The following PRKG1 variants were observed in gnomAD, a reference collection of about 807,000 sequenced individuals.
PRKG1 encodes the protein cGMP-dependent protein kinase 1.
In PRKG1, 35 loss-of-function variants were observed where a neutral mutation model predicts 88.1. The ratio of observed to expected loss-of-function variants is 0.40; its 90% CI spans 0.30 to 0.53. The LOEUF (loss-of-function observed/expected upper bound fraction) is 0.53, where lower values mean the gene tolerates loss of function less well. Ranked by LOEUF, PRKG1 falls within the 20% of genes least tolerant of loss-of-function variation. The pLI, the probability that PRKG1 is intolerant of heterozygous loss-of-function variation, is 0.59. For missense variants in PRKG1, 540 were observed against 839.8 expected (o/e 0.64, Z 4.41); for synonymous variants, 303 against 292.5 (o/e 1.04, Z -0.37).
Position 51,273,745 on chromosome 10 carries a change from G to C in PRKG1, c.478+120415G>C, listed in dbSNP as rs150840903. Among the ~76,000 whole-genome samples the C allele has an allele frequency of 7.2e-5, 11 of 152,240 alleles. No homozygotes were observed. The East Asian group carries it at 1.4e-3, about 19-fold the overall frequency. On this transcript the variant is annotated intron_variant, in intron 2 of 17. Coordinates refer to ENST00000373980, the MANE Select transcript of PRKG1 (RefSeq NM_006258.4). ...ATTTCTACATGACAATATCTGGCTG[G>C]GGAAGAGAAACTGGAACTTCCTCAT... is the stretch of plus-strand genomic sequence containing the variant.
chr10:51,848,268 T>C (rs12783319), intron 4 of PRKG1, among the ~76,000 whole-genome samples: 13,018 of 152,218 alleles, frequency 0.086, 696 homozygotes, highest in Middle Eastern at 0.16. Flanking sequence ...AAGATATATA[T>C]GAATTTGGGG....
At chr10:51,336,464 A>G (rs982063655) in intron 2 of PRKG1, among the ~76,000 whole-genome samples, 3 of 152,238 alleles carry the variant, frequency 2.0e-5, no homozygotes, top group Non-Finnish European at 4.4e-5. Context: ...TTGTAATAGG[A>G]CAGAGGAAAC....
At chr10:52,204,136 T>G (rs182447696) in intron 9 of PRKG1, among the ~76,000 whole-genome samples, 87 of 152,138 alleles carry the variant, frequency 5.7e-4, no homozygotes, top group Middle Eastern at 3.4e-3. Flanking sequence ...ACTCTTGCTC[T>G]GTTGCCCAGG....
At chr10:51,958,890 G>A (rs2133067335) in intron 5 of PRKG1, among the ~76,000 whole-genome samples, 1 of 152,172 alleles carries the variant, frequency 6.6e-6, no homozygotes, top group African/African-American at 2.4e-5. Context: ...TCTAGTCCAA[G>A]CCCAATATTT....
intron 3 of PRKG1, among the ~76,000 whole-genome samples, chr10:51,563,542 C>G (rs750653101): frequency 6.6e-6 from 1 of 151,724 alleles, no homozygotes; most frequent in Non-Finnish European, 1.5e-5. Context: ...CACATTTCAG[C>G]CTAAAGAAAC....
chr10:51,180,406 T>C (rs1462535852), intron 2 of PRKG1, among the ~76,000 whole-genome samples: 1 of 152,196 alleles, frequency 6.6e-6, no homozygotes, highest in Non-Finnish European at 1.5e-5. Context: ...TTCCCTCCCT[T>C]TTAACATACT....
At chr10:51,303,196 A>G (rs1247646054) in intron 2 of PRKG1, among the ~76,000 whole-genome samples, 2 of 152,178 alleles carry the variant, frequency 1.3e-5, no homozygotes, top group Non-Finnish European at 2.9e-5. Context: ...GTCCAACATT[A>G]AAATTTTAGG....
chr10:52,218,462 A>G (rs930117875), intron 9 of PRKG1, among the ~76,000 whole-genome samples: 23 of 152,130 alleles, frequency 1.5e-4, no homozygotes, highest in Non-Finnish European at 1.0e-4. Context: ...TCTGGTTAAA[A>G]AAGATATTTT....
intron 3 of PRKG1, among the ~76,000 whole-genome samples, chr10:51,546,164 A>C (rs1425244387): frequency 6.6e-6 from 1 of 152,018 alleles, no homozygotes; most frequent in Non-Finnish European, 1.5e-5. Context: ...ATGCTTATGC[A>C]ATTTCTGCAA....
Position 51,528,880 on chromosome 10 carries a change from A to G in PRKG1, c.592+61044A>G, listed in dbSNP as rs112875774. ...AATAGTTCCACATATCTTGTCCCCA[A>G]TGTAAATGGAAATAAGGGAATTCTC... is the stretch of plus-strand genomic sequence containing the variant. On this transcript the variant is annotated intron_variant, in intron 3 of 17. Coordinates refer to ENST00000373980, the MANE Select transcript of PRKG1 (RefSeq NM_006258.4). 1.3e-3 allele frequency among the ~76,000 whole-genome samples: 205 copies of G among 152,252 alleles called. 3 individuals carry two copies. In the Middle Eastern group the frequency reaches 0.044, roughly 33 times the overall value.
intron 7 of PRKG1, among the ~76,000 whole-genome samples, chr10:52,105,081 GA>G (rs1847382676): frequency 6.6e-6 from 1 of 152,038 alleles, no homozygotes; most frequent in Admixed American, 6.6e-5. Flanking sequence ...TCATTGAAAA[GA>G]AGCCTTTTCT....
chr10:51,734,028 G>A (rs1837192919), intron 3 of PRKG1, among the ~76,000 whole-genome samples: 2 of 151,852 alleles, frequency 1.3e-5, no homozygotes, highest in African/African-American at 4.8e-5. Context: ...TTCTATAACA[G>A]GTTCTTGTGA....
chr10:52,289,086 C>T (rs1163024932), intron 16 of PRKG1, 93 bp downstream of exon 16: 1 of 1,210,054 alleles, frequency 8.3e-7, no homozygotes, highest in Non-Finnish European at 1.2e-6. Flanking sequence ...GTATAATTAG[C>T]CTATAGGAAC....
At chr10:51,283,331 T>C (rs1250953412) in intron 2 of PRKG1, among the ~76,000 whole-genome samples, 1 of 152,068 alleles carries the variant, frequency 6.6e-6, no homozygotes, top group Non-Finnish European at 1.5e-5. Context: ...TTTTTCCCAA[T>C]AAGGAAAAAA....
intron 2 of PRKG1, among the ~76,000 whole-genome samples, chr10:51,292,917 T>C (rs1447964931): frequency 6.6e-6 from 1 of 152,116 alleles, no homozygotes; most frequent in Non-Finnish European, 1.5e-5. Context: ...TTATTCTTAT[T>C]TATTTCTCTA....
At chr10:51,128,217 T>A (rs56219907) in intron 1 of PRKG1, among the ~76,000 whole-genome samples, 120,327 of 151,522 alleles carry the variant, frequency 0.79, 48,381 homozygotes, top group South Asian at 0.88. Context: ...TTAAAAAAAA[T>A]CCGGATAGAC....
intron 3 of PRKG1, among the ~76,000 whole-genome samples, chr10:51,476,601 T>TTTG (rs66840703): frequency 5.7e-4 from 86 of 151,190 alleles, no homozygotes; most frequent in Non-Finnish European, 1.1e-3. Context: ...AAGTGGATTA[T>TTTG]TTGTTGTTGT....
At chr10:51,380,379 C>T (rs952129243) in intron 2 of PRKG1, among the ~76,000 whole-genome samples, 5 of 152,206 alleles carry the variant, frequency 3.3e-5, no homozygotes, top group East Asian at 3.9e-4. Flanking sequence ...GCCAGAACAC[C>T]GTTGCCTCCC....
chr10:51,519,024 C>T (rs1841666897), intron 3 of PRKG1, among the ~76,000 whole-genome samples: 1 of 152,148 alleles, frequency 6.6e-6, no homozygotes. Flanking sequence ...CTCTGTAATT[C>T]AGAAAGCATC....
Sources: gnomAD v4.1 joint callset for allele counts (sites outside exome capture counted in the v4.1 genomes callset) on GRCh38, gnomAD v4.1.1 for gene constraint, MANE v1.5 for transcripts, NCBI Gene and HGNC (gene_info 2026-07-23, HGNC 2026-07-21) for gene names.